WDR5: variants seen among roughly 807,000 people sequenced by gnomAD.
The protein encoded by WDR5 is WD repeat-containing protein 5.
For synonymous variants in WDR5, 144 were observed against 161.6 expected (o/e 0.89, Z 0.83); for missense variants, 187 against 416.9 (o/e 0.45, Z 4.80).
rs79164742 is a variant in WDR5, at chr9:134,144,021, C to T, written c.528+1302C>T. Among the ~76,000 whole-genome samples the T allele has an allele frequency of 7.7e-3, 1,173 of 152,338 alleles. 48 individuals carry two copies. The highest frequency in any genetic ancestry group is 0.069 in the Admixed American group (1,053 of 15,306). On this transcript the variant is annotated intron_variant, in intron 7 of 13. Transcript: ENST00000358625. Reference sequence around the variant, plus strand: ...CAGCATTTGTCCCATGCTGCCTGCCCGTGTGCCTTTCACTTTGTGCCATCT... The same window carrying T: ...CAGCATTTGTCCCATGCTGCCTGCCTGTGTGCCTTTCACTTTGTGCCATCT...
rs146693378 is a variant in WDR5, at chr9:134,137,157, G to A, written c.-59+957G>A. Among the ~76,000 whole-genome samples the A allele has an allele frequency of 2.6e-4, 39 of 152,304 alleles. No individual in the cohort carries two copies. In the East Asian group the frequency reaches 7.4e-3, roughly 29 times the overall value. On this transcript the variant is annotated intron_variant, in intron 1 of 13. Coordinates refer to ENST00000358625, the MANE Select transcript of WDR5 (RefSeq NM_017588.3). ...TGAGGGACTCAGGAATCGGCCTGTG[G>A]CATGCAGTCCAGGAGGGCACACTGA...
intron 12 of WDR5, 83 bp downstream of exon 12, chr9:134,155,850 C>G (rs1439579722): frequency 2.4e-6 from 3 of 1,252,506 alleles, no homozygotes; most frequent in Non-Finnish European, 3.4e-6. Context: ...TTGCTTTATA[C>G]TCAGAGACAC....
rs892101465 is a variant in WDR5 at position 134,159,609 on chromosome 9, C to T, written c.*1616C>T. On this transcript the variant is annotated 3_prime_UTR_variant, in exon 14 of 14. Coordinates refer to ENST00000358625, the MANE Select transcript of WDR5 (RefSeq NM_017588.3). The surrounding 1 kb of genome is among the most constrained non-coding windows in gnomAD (Gnocchi z 4.3). ...ATGTATATCCTGTGGTTTCCCCTGC[C>T]CCTCTGTTTCCGATGAGGTGTACGG... 6.6e-6 allele frequency: 1 copy of T among 152,148 alleles called. No individual in the cohort carries two copies. The allele number at this position is 152,148 out of a possible 1,614,324, so 9.4% of individuals were successfully genotyped here.
chr9:134,154,897 G>A (rs1038830605), intron 10 of WDR5, among the ~76,000 whole-genome samples: 2 of 152,206 alleles, frequency 1.3e-5, no homozygotes, highest in Admixed American at 6.5e-5. Context: ...CTCTCACAAA[G>A]CCACTGCCCT....
At chr9:134,148,230 G>T (rs1832312038) in intron 7 of WDR5, 58 bp from the exon 8 acceptor site, 2 of 733,224 alleles carry the variant, frequency 2.7e-6, no homozygotes, top group African/African-American at 2.0e-5. Flanking sequence ...GTAAGAAGCA[G>T]TTGTGTCCCT....
chr9:134,158,122 C>T lies in WDR5; in HGVS notation c.*129C>T, dbSNP rs1368088944. On this transcript the variant is annotated 3_prime_UTR_variant, in exon 14 of 14. Coordinates refer to ENST00000358625, the MANE Select transcript of WDR5 (RefSeq NM_017588.3). ...GGACAGGGCCTGATTTGAGCCTCCT[C>T]TCTGAAGATGATTTGGCCGAGCGGA... is the stretch of plus-strand genomic sequence containing the variant. 7 of 780,816 alleles carry T rather than the reference C, an allele frequency of 9.0e-6. No homozygotes were observed. The highest frequency in any genetic ancestry group is 1.5e-5 in the Non-Finnish European group (7 of 476,668). 48.4% of individuals were successfully genotyped at this position (780,816 alleles called of 1,614,324 possible). A position where few individuals can be genotyped will look rare whatever the true frequency, so the allele number is the denominator to read the frequency against.
rs1011756055 is a variant in WDR5, at chr9:134,157,540, T to C, written c.905-353T>C. Among the ~76,000 whole-genome samples the C allele has an allele frequency of 4.1e-4, 63 of 152,266 alleles. No individual in the cohort carries two copies. The highest frequency in any genetic ancestry group is 1.5e-3 in the African/African-American group (61 of 41,566). ...GTGAGGGGTCTGACTGCAGTCCTTG[T>C]GCGCGCCAGCCTCTGAGCCAGTCCT... On this transcript the variant is annotated intron_variant, in intron 13 of 13. Coordinates refer to ENST00000358625, the MANE Select transcript of WDR5 (RefSeq NM_017588.3). This position sits in a 1 kb window ranked among gnomAD's most constrained non-coding sequence, Gnocchi z 5.0.
intron 8 of WDR5, among the ~76,000 whole-genome samples, chr9:134,149,242 G>A (rs1832371292): frequency 1.3e-5 from 2 of 152,168 alleles, no homozygotes; most frequent in East Asian, 1.9e-4. Flanking sequence ...GGTCGTAGTC[G>A]AGTTGCACCC....
At chr9:134,153,719 A>C (rs1004267583) in intron 9 of WDR5, among the ~76,000 whole-genome samples, 6 of 151,192 alleles carry the variant, frequency 4.0e-5, no homozygotes, top group Non-Finnish European at 5.9e-5. Context: ...TGCTCGGGAC[A>C]CACCAGCGCG....
At chr9:134,139,797 C>G in intron 1 of WDR5, 23 bp from the exon 2 acceptor site, 1 of 1,469,706 alleles carries the variant, frequency 6.8e-7, no homozygotes, top group South Asian at 1.2e-5. Flanking sequence ...TCTTGGCTCC[C>G]TGTTCTGCAT....
intron 7 of WDR5, among the ~76,000 whole-genome samples, chr9:134,145,259 T>C (rs897432870): frequency 5.9e-5 from 9 of 152,036 alleles, no homozygotes; most frequent in African/African-American, 1.9e-4. Flanking sequence ...CTACCACGAC[T>C]GGCTAATTTT....
chr9:134,136,261 C>G (rs1471350170), intron 1 of WDR5, 61 bp downstream of exon 1: 2 of 148,982 alleles, frequency 1.3e-5, no homozygotes, highest in East Asian at 3.9e-4. Context: ...GCGCCAGAAG[C>G]TTCCAAACCG....
At chr9:134,154,916 G>A (rs927455009) in intron 10 of WDR5, among the ~76,000 whole-genome samples, 1 of 152,222 alleles carries the variant, frequency 6.6e-6, no homozygotes, top group African/African-American at 2.4e-5. Context: ...CTCCTGGGCT[G>A]TTCTCTAAGC....
At chr9:134,148,801 A>G (rs1319415236) in intron 8 of WDR5, among the ~76,000 whole-genome samples, 1 of 152,164 alleles carries the variant, frequency 6.6e-6, no homozygotes, top group Non-Finnish European at 1.5e-5. Context: ...GAAGAGTGAC[A>G]GGGTCTCCTG....
At chr9:134,144,569 A>G (rs4130591) in intron 7 of WDR5, among the ~76,000 whole-genome samples, 21,002 of 152,128 alleles carry the variant, frequency 0.14, 1,639 homozygotes, top group East Asian at 0.23. Flanking sequence ...GTTGGGTGCC[A>G]TGTCTCCCAC....
Position 134,153,561 on chromosome 9 carries a change from G to A in WDR5, c.632-905G>A, listed in dbSNP as rs549738546. ...GGCCTGCCTGGCGGTGTGACGTGGT[G>A]TGCCCCTGAGGGAGGGACCGCATGG... On this transcript the variant is annotated intron_variant, in intron 9 of 13. Transcript: ENST00000358625. Among the ~76,000 whole-genome samples the A allele has an allele frequency of 3.3e-5, 5 of 152,350 alleles. No homozygotes were observed. The East Asian group carries it at 9.7e-4, about 29-fold the overall frequency.
In WDR5 at chr9:134,157,829, TG is replaced by T; in HGVS notation, c.905-61del. On this transcript the variant is annotated intron_variant, in intron 13 of 13. Transcript: ENST00000358625. The surrounding 1 kb of genome is among the most constrained non-coding windows in gnomAD (Gnocchi z 5.0). ...TTCTGGAGAAAGGTGGAGCTCAGTC[TG>T]GGATGGCGTCCCCGACCCAGGCGCA... is the stretch of plus-strand genomic sequence containing the variant. 2 of 1,521,112 alleles carry T rather than the reference TG, an allele frequency of 1.3e-6. No homozygotes were observed. Among genetic ancestry groups the T allele is most frequent in the South Asian group, 1.1e-5 (1 of 88,732 alleles). 94.2% of individuals were successfully genotyped at this position (1,521,112 alleles called of 1,614,324 possible).
intron 5 of WDR5, 107 bp downstream of exon 5, chr9:134,142,145 C>G (rs1457493134): frequency 4.1e-6 from 4 of 976,968 alleles, no homozygotes; most frequent in Non-Finnish European, 6.1e-6. Context: ...GCGCTCCTCT[C>G]CAGGGAAGAC....
chr9:134,153,472 T>G (rs967597723), intron 9 of WDR5, among the ~76,000 whole-genome samples: 50 of 152,360 alleles, frequency 3.3e-4, no homozygotes, highest in African/African-American at 1.2e-3. Flanking sequence ...GGGTTAGGCA[T>G]GCGGACACGC....
Sources: allele counts gnomAD v4.1 joint callset (sites outside exome capture counted in the v4.1 genomes callset), GRCh38; gene constraint gnomAD v4.1.1; non-coding constraint Gnocchi (gnomAD v3.1); transcripts MANE v1.5; gene names NCBI Gene and HGNC (gene_info 2026-07-23, HGNC 2026-07-21).